The following RYR2 variants were observed in gnomAD, a reference collection of about 807,000 sequenced individuals.
RYR2 encodes the protein ryanodine receptor 2, also known as cardiac muscle ryanodine receptor-calcium release channel.
In RYR2, 227 loss-of-function variants were observed where a neutral mutation model predicts 601.1. The observed-to-expected ratio is 0.38, with a 90% CI of 0.34 to 0.42. The LOEUF (loss-of-function observed/expected upper bound fraction) is 0.42. Among genes scored for constraint, RYR2 ranks in the 10% least tolerant of loss-of-function variants. The pLI is 1.00. For synonymous variants in RYR2, 2,223 were observed against 2,175.1 expected (o/e 1.02, Z -0.61); for missense variants, 4,646 against 6,156.5 (o/e 0.75, Z 8.21).
chr1:237,422,583 T>G (rs1705705037), intron 11 of RYR2, among the ~76,000 whole-genome samples: 1 of 152,216 alleles, frequency 6.6e-6, no homozygotes, highest in African/African-American at 2.4e-5. Context: ...GTCAGGTAAA[T>G]ATAGTCTAAC....
intron 35 of RYR2, among the ~76,000 whole-genome samples, chr1:237,606,274 A>G (rs1194607935): frequency 2.0e-5 from 3 of 152,092 alleles, no homozygotes; most frequent in African/African-American, 7.2e-5. Flanking sequence ...CACATCTACA[A>G]CCATCTGATC....
At chr1:237,390,657 A>G (rs1702301221) in intron 10 of RYR2, among the ~76,000 whole-genome samples, 1 of 152,186 alleles carries the variant, frequency 6.6e-6, no homozygotes. Flanking sequence ...GACTGGATCC[A>G]AGAGGATCCT....
intron 95 of RYR2, among the ~76,000 whole-genome samples, chr1:237,794,878 C>T (rs1403986082): frequency 2.0e-5 from 3 of 152,108 alleles, no homozygotes; most frequent in Admixed American, 1.3e-4. Flanking sequence ...CTGCTATGCT[C>T]GAAGTTTCTG....
At position 237,621,885 on chromosome 1, in the gene RYR2, G is replaced by A. The variant is rs752251100; in HGVS notation, c.5917-1880G>A. Among the ~76,000 whole-genome samples, 38 of 152,170 alleles carry A rather than the reference G, an allele frequency of 2.5e-4. 1 individual carries two copies. The highest frequency in any genetic ancestry group is 4.7e-4 in the Non-Finnish European group (32 of 68,024). On this transcript the variant is annotated intron_variant, in intron 38 of 104. Transcript: ENST00000366574. ...GGTTGCCACGACTTAAGGATGAGGGGCAGACAGAGGGATGTGGGTGTGCTC... is the reference window on the plus strand; with the variant it reads ...GGTTGCCACGACTTAAGGATGAGGGACAGACAGAGGGATGTGGGTGTGCTC...
At chr1:237,273,805 G>T (rs1043560558) in intron 2 of RYR2, among the ~76,000 whole-genome samples, 41 of 149,172 alleles carry the variant, frequency 2.7e-4, no homozygotes, top group African/African-American at 9.8e-4. Flanking sequence ...TGAGTGTTAG[G>T]GAAGCCCAAA....
intron 73 of RYR2, among the ~76,000 whole-genome samples, chr1:237,719,605 G>A (rs1048718216): frequency 6.6e-6 from 1 of 152,088 alleles, no homozygotes; most frequent in Non-Finnish European, 1.5e-5. Flanking sequence ...AGCACCAAGG[G>A]GATGCTGCGA....
Position 237,145,223 on chromosome 1 carries a change from A to T in RYR2, c.48+102654A>T, listed in dbSNP as rs190807258. 2.0e-3 allele frequency among the ~76,000 whole-genome samples: 296 copies of T among 145,652 alleles called. 5 individuals are homozygous for T. The East Asian group carries it at 0.055, about 27-fold the overall frequency. On this transcript the variant is annotated intron_variant, in intron 1 of 104. Coordinates refer to ENST00000366574, the MANE Select transcript of RYR2 (RefSeq NM_001035.3). ...ACCCCAGAACTTAAAGTATAATAAT[A>T]AAAAAAAAAAGAAAAAAAGAAAAAG... is the stretch of plus-strand genomic sequence containing the variant.
intron 101 of RYR2, among the ~76,000 whole-genome samples, chr1:237,824,334 C>G (rs1399485477): frequency 6.6e-6 from 1 of 152,060 alleles, no homozygotes; most frequent in Non-Finnish European, 1.5e-5. Context: ...CCACCATGAT[C>G]AAGTAGGCTT....
chr1:237,407,857 C>G (rs1385858685), intron 10 of RYR2, among the ~76,000 whole-genome samples: 1 of 152,032 alleles, frequency 6.6e-6, no homozygotes, highest in East Asian at 1.9e-4. Flanking sequence ...ACCTCGTGAT[C>G]CACCTGCCTC....
chr1:237,777,400 A>ATC (rs1179950213), intron 87 of RYR2, among the ~76,000 whole-genome samples: 1 of 152,168 alleles, frequency 6.6e-6, no homozygotes, highest in African/African-American at 2.4e-5. Context: ...GGATCTGGCC[A>ATC]TCTCTTCCAA....
At chr1:237,565,040 T>G (rs573068756) in intron 27 of RYR2, among the ~76,000 whole-genome samples, 1 of 152,342 alleles carries the variant, frequency 6.6e-6, no homozygotes, top group Admixed American at 6.5e-5. Context: ...ATTTTTATTA[T>G]GCATAAAGTC....
chr1:237,661,356 G>GA (rs1683772227), intron 56 of RYR2, among the ~76,000 whole-genome samples: 1 of 152,078 alleles, frequency 6.6e-6, no homozygotes, highest in Admixed American at 6.5e-5. Flanking sequence ...GGGAGTGGGG[G>GA]GCTAGGGGAG....
intron 42 of RYR2, among the ~76,000 whole-genome samples, chr1:237,632,595 G>T (rs978080327): frequency 6.6e-6 from 1 of 151,192 alleles, no homozygotes; most frequent in East Asian, 2.0e-4. Context: ...ATGGGGTTTC[G>T]CCATGTTAGC....
chr1:237,633,773 C>A, intron 43 of RYR2, 63 bp downstream of exon 43: 1 of 1,473,196 alleles, frequency 6.8e-7, no homozygotes, highest in Non-Finnish European at 9.1e-7. Context: ...ATTTAAAAAG[C>A]AAACGTTTTG....
chr1:237,594,330 C>T (rs761680744), intron 33 of RYR2, among the ~76,000 whole-genome samples: 7 of 152,172 alleles, frequency 4.6e-5, no homozygotes, highest in South Asian at 2.1e-4. Context: ...TCCTTTATAA[C>T]GTTGCTTTTC....
chr1:237,657,296 T>C (rs1573374954), intron 53 of RYR2, among the ~76,000 whole-genome samples: 2 of 152,276 alleles, frequency 1.3e-5, no homozygotes, highest in African/African-American at 4.8e-5. Flanking sequence ...TTCTCAAAGT[T>C]AATACTTTAA....
At chr1:237,078,782 C>G (rs1242913621) in intron 1 of RYR2, among the ~76,000 whole-genome samples, 1 of 133,976 alleles carries the variant, frequency 7.5e-6, no homozygotes, top group African/African-American at 2.8e-5. Flanking sequence ...TTTTATGAGG[C>G]CAGCATCATT....
intron 70 of RYR2, 55 bp downstream of exon 70, chr1:237,709,622 T>A: frequency 9.2e-7 from 1 of 1,083,144 alleles, no homozygotes; most frequent in Non-Finnish European, 1.4e-6. Context: ...ACCTGCTTAC[T>A]TGCCTCCTAG....
At chr1:237,787,597 CAAAA>C (rs778668137) in intron 91 of RYR2, among the ~76,000 whole-genome samples, 1 of 60,392 alleles carries the variant, frequency 1.7e-5, no homozygotes. Flanking sequence ...GTCTCAAAAA[CAAAA>C]AAAAAAAAAA....
Sources: allele counts gnomAD v4.1 joint callset (sites outside exome capture counted in the v4.1 genomes callset), GRCh38; gene constraint gnomAD v4.1.1; transcripts MANE v1.5; gene names NCBI Gene and HGNC (gene_info 2026-07-23, HGNC 2026-07-21).